CPNE1: variants seen among roughly 807,000 people sequenced by gnomAD.
CPNE1 encodes the protein copine-1.
CPNE1 carries 58 observed loss-of-function variants against 63.2 expected under a neutral mutation model. The observed-to-expected ratio is 0.92, with a 90% CI of 0.74 to 1.14. The LOEUF is 1.14. Among genes scored for constraint, CPNE1 ranks in the 50% most tolerant of loss-of-function variants. CPNE1 has a pLI of 0.00. For missense variants in CPNE1, 672 were observed against 661.7 expected (o/e 1.02, Z -0.17); for synonymous variants, 237 against 249.0 (o/e 0.95, Z 0.45).
intron 1 of CPNE1, among the ~76,000 whole-genome samples, chr20:35,647,660 C>T (rs1298236853): frequency 6.6e-6 from 1 of 151,990 alleles, no homozygotes; most frequent in Non-Finnish European, 1.5e-5. Context: ...TGCTAGTTAA[C>T]GTTGATCCAG....
At chr20:35,662,027 G>A (rs2034256637) in intron 1 of CPNE1, among the ~76,000 whole-genome samples, 1 of 152,120 alleles carries the variant, frequency 6.6e-6, no homozygotes, top group African/African-American at 2.4e-5. Flanking sequence ...TCAGCCACTT[G>A]ATTTTGTTCC....
chr20:35,645,300 CAT>C (rs1262200678), intron 1 of CPNE1, among the ~76,000 whole-genome samples: 3 of 152,186 alleles, frequency 2.0e-5, no homozygotes, highest in Non-Finnish European at 4.4e-5. Flanking sequence ...TCAGAATTTA[CAT>C]GTTAGGGAAG....
At chr20:35,652,889 G>C (rs763757415) in intron 1 of CPNE1, 15 of 1,613,428 alleles carry the variant, frequency 9.3e-6, no homozygotes, top group African/African-American at 1.3e-5. Flanking sequence ...GCACTTCCAA[G>C]ACCAGGAGGG....
chr20:35,664,732 A>G (rs2295355), intron 1 of CPNE1, 28 bp downstream of exon 1: 39,458 of 152,030 alleles, frequency 0.26, 5,938 homozygotes, highest in African/African-American at 0.43. Flanking sequence ...GCACAGCCCC[A>G]CCCGTTCAGG....
At chr20:35,654,262 T>C (rs771549637) in intron 1 of CPNE1, 1 of 1,614,186 alleles carries the variant, frequency 6.2e-7, no homozygotes, top group Non-Finnish European at 8.5e-7. Flanking sequence ...AAATGTATCT[T>C]GAGGGGAGAG....
intron 1 of CPNE1, chr20:35,650,004 C>T (rs778619063): frequency 1.3e-5 from 2 of 152,498 alleles, no homozygotes; most frequent in African/African-American, 4.8e-5. Flanking sequence ...GGAGAAAATT[C>T]GCAGGAAGAG....
At chr20:35,630,880 C>A in intron 11 of CPNE1, 21 bp downstream of exon 11, 29 of 1,602,442 alleles carry the variant, frequency 1.8e-5, no homozygotes, top group Non-Finnish European at 2.5e-5. Flanking sequence ...GCGGGTATAG[C>A]CCAGAGAAGC....
intron 1 of CPNE1, chr20:35,655,425 C>T: frequency 8.5e-7 from 1 of 1,181,674 alleles, no homozygotes; most frequent in Non-Finnish European, 1.2e-6. Flanking sequence ...GACCAGCTAC[C>T]ATATTAGGCC....
intron 14 of CPNE1, 123 bp from the exon 15 acceptor site, chr20:35,626,926 AC>A: frequency 1.2e-6 from 1 of 824,558 alleles, no homozygotes; most frequent in Non-Finnish European, 2.0e-6. Flanking sequence ...GATGGCTCAC[AC>A]CTGTAATCCC....
chr20:35,643,435 CAA>C (rs1467084045), intron 1 of CPNE1: 1 of 152,200 alleles, frequency 6.6e-6, no homozygotes, highest in Non-Finnish European at 1.5e-5. Context: ...CACACCAACA[CAA>C]AGTCTTCACG....
intron 1 of CPNE1, chr20:35,654,993 G>A (rs756332225): frequency 2.5e-6 from 4 of 1,614,174 alleles, no homozygotes; most frequent in South Asian, 1.1e-5. Context: ...TCATTCCTGA[G>A]CTAGGTGGTG....
intron 1 of CPNE1, chr20:35,653,151 A>C (rs759628466): frequency 2.5e-6 from 4 of 1,613,600 alleles, no homozygotes; most frequent in South Asian, 2.2e-5. Flanking sequence ...CAAAATTACC[A>C]GGAAAGTTAA....
In CPNE1 at chr20:35,654,648, C is replaced by A. The variant is rs139141819; in HGVS notation, c.-1+10112G>T. ...GTGGCACAGAAGGAACTGGGGGAAT[C>A]GGGGGCACAGGAGGCACAGGAGGCA... is the stretch of plus-strand genomic sequence containing the variant. On this transcript the variant is annotated intron_variant, in intron 1 of 15. Coordinates refer to ENST00000397443, the MANE Select transcript of CPNE1 (RefSeq NM_152925.3). 7 of 1,613,682 alleles carry A rather than the reference C, an allele frequency of 4.3e-6. No individual in the cohort carries two copies. The African/African-American group carries it at 9.3e-5, about 22-fold the overall frequency.
Position 35,632,836 on chromosome 20 carries a change from A to G in CPNE1, c.88T>C (p.Cys30Arg), listed in dbSNP as rs201887235. 6.9e-6 allele frequency: 6 copies of G among 872,940 alleles called. No homozygotes were observed. The highest frequency in any genetic ancestry group is 3.4e-5 in the Admixed American group (2 of 59,180). 54.1% of individuals were successfully genotyped at this position (872,940 alleles called of 1,614,324 possible). ...KDIGSKSDPL[C>R]VLLQDVGGGS... Reference sequence around the variant, plus strand: ...CCTCCCACATCCTGTAAAAGGACGCAGAGTGGGTCAGACTTGGAGCCGATG... The same window carrying G: ...CCTCCCACATCCTGTAAAAGGACGCGGAGTGGGTCAGACTTGGAGCCGATG... The change falls in exon 2 of 16, where the codon TGC becomes CGC. Residue 30 changes from cysteine (C) to arginine (R), a missense_variant. By Grantham distance (180) the Cys-to-Arg change is radical. Transcript: ENST00000397443.
chr20:35,654,212 A>G (rs755281177), intron 1 of CPNE1: 32 of 1,614,118 alleles, frequency 2.0e-5, no homozygotes, highest in Non-Finnish European at 2.5e-5. Context: ...ACTTCCACAT[A>G]GCGTTGAATC....
chr20:35,657,965 G>A (rs937897626), intron 1 of CPNE1, among the ~76,000 whole-genome samples: 3 of 152,088 alleles, frequency 2.0e-5, no homozygotes, highest in African/African-American at 4.8e-5. Context: ...GGGAGGCTGA[G>A]GCAGAAGAAT....
rs75207214 is a variant in CPNE1 at position 35,660,445 on chromosome 20, C to T, written c.-1+4315G>A. Among the ~76,000 whole-genome samples, 142 of 152,266 alleles carry T rather than the reference C, an allele frequency of 9.3e-4. 3 individuals carry two copies. The East Asian group carries it at 0.021, about 23-fold the overall frequency. On this transcript the variant is annotated intron_variant, in intron 1 of 15. Coordinates refer to ENST00000397443, the MANE Select transcript of CPNE1 (RefSeq NM_152925.3). ...GTTACCCAGGCTGGTCTCTTAACTCCTCACCTCAAGTGATCCACCCGCCTC... is the reference window on the plus strand; with the variant it reads ...GTTACCCAGGCTGGTCTCTTAACTCTTCACCTCAAGTGATCCACCCGCCTC...
intron 1 of CPNE1, chr20:35,651,901 C>A (rs111405612): frequency 0.01 from 1,557 of 152,572 alleles, 17 homozygotes; most frequent in Middle Eastern, 0.027. Context: ...GGGAAAAAAA[C>A]CAACAAAACA....
At position 35,631,383 on chromosome 20, in the gene CPNE1, A is replaced by G. The variant is rs766227696; in HGVS notation, c.715-29T>C. ...GTGAGGACAGAAAAATTAGGGTAGG[A>G]AATTCTCAGAGCATCAGTCAAGGAC... On this transcript the variant is annotated intron_variant, in intron 8 of 15. Coordinates refer to ENST00000397443, the MANE Select transcript of CPNE1 (RefSeq NM_152925.3). The G allele has an allele frequency of 3.7e-5, 59 of 1,611,596 alleles. No individual in the cohort carries two copies. The East Asian group carries it at 1.2e-3, about 33-fold the overall frequency.
Sources: allele counts gnomAD v4.1 joint callset (sites outside exome capture counted in the v4.1 genomes callset), GRCh38; gene constraint gnomAD v4.1.1; transcripts MANE v1.5; gene names NCBI Gene and HGNC (gene_info 2026-07-23, HGNC 2026-07-21).